The following FAT3 variants were observed in gnomAD, a reference collection of about 807,000 sequenced individuals.
FAT3 encodes protocadherin Fat 3.
FAT3 carries 95 observed loss-of-function variants against 310.2 expected under a neutral mutation model. That is an observed-to-expected ratio of 0.31 (90% CI 0.26 to 0.36). FAT3 has a LOEUF of 0.36. Among genes scored for constraint, FAT3 ranks in the 10% least tolerant of loss-of-function variants. FAT3 has a pLI of 1.00. For missense variants in FAT3, 5,408 were observed against 5,715.6 expected, an observed-to-expected ratio of 0.95 and a Z score of 1.74; for synonymous variants, 2,314 against 2,192.9, an observed-to-expected ratio of 1.06 and a Z score of -1.54.
chr11:92,879,341 A>G (rs929949737), intron 22 of FAT3, among the ~76,000 whole-genome samples: 1 of 152,210 alleles, frequency 6.6e-6, no homozygotes, highest in Admixed American at 6.5e-5. Flanking sequence ...ACAGCAGGAA[A>G]GCAGGGCCAG....
At chr11:92,643,016 T>G (rs1199273904) in intron 3 of FAT3, among the ~76,000 whole-genome samples, 1 of 152,210 alleles carries the variant, frequency 6.6e-6, no homozygotes, top group Non-Finnish European at 1.5e-5. Flanking sequence ...GAATACATTA[T>G]TTCAGCCTCA....
intron 3 of FAT3, among the ~76,000 whole-genome samples, chr11:92,527,801 T>G (rs1953920748): frequency 6.6e-6 from 1 of 152,236 alleles, no homozygotes; most frequent in Non-Finnish European, 1.5e-5. Flanking sequence ...AAGCTGGATG[T>G]GTAGCTAACC....
At chr11:92,301,931 C>T (rs1947008453) in intron 1 of FAT3, among the ~76,000 whole-genome samples, 1 of 151,984 alleles carries the variant, frequency 6.6e-6, no homozygotes, top group Admixed American at 6.6e-5. Context: ...CCTAACTCTT[C>T]AGAATGTCCC....
intron 3 of FAT3, among the ~76,000 whole-genome samples, chr11:92,618,328 A>G: frequency 6.6e-6 from 1 of 152,182 alleles, no homozygotes; most frequent in African/African-American, 2.4e-5. Flanking sequence ...GACCGTTGGA[A>G]AAGTGCAGTA....
chr11:92,779,322 G>T (rs1946678064), intron 7 of FAT3, among the ~76,000 whole-genome samples: 1 of 152,100 alleles, frequency 6.6e-6, no homozygotes, highest in Non-Finnish European at 1.5e-5. Flanking sequence ...ACCTTGGAAA[G>T]GAGTCAGGAT....
At chr11:92,383,271 C>T in intron 2 of FAT3, among the ~76,000 whole-genome samples, 1 of 152,150 alleles carries the variant, frequency 6.6e-6, no homozygotes, top group East Asian at 1.9e-4. Flanking sequence ...TATGTCCTTG[C>T]TATTGTGAAT....
chr11:92,769,909 T>C (rs745345020), intron 6 of FAT3, among the ~76,000 whole-genome samples: 5 of 152,206 alleles, frequency 3.3e-5, no homozygotes, highest in Non-Finnish European at 5.9e-5. Flanking sequence ...TATTTAGAGA[T>C]GAATGAAGTA....
chr11:92,321,591 GAAAAA>G (rs1180210443), intron 1 of FAT3, among the ~76,000 whole-genome samples: 6 of 151,154 alleles, frequency 4.0e-5, no homozygotes, highest in Admixed American at 3.3e-4. Context: ...GAGAAAAAAA[GAAAAA>G]AAAATTGGAA....
intron 3 of FAT3, among the ~76,000 whole-genome samples, chr11:92,554,915 G>A (rs1386689408): frequency 1.3e-5 from 2 of 152,130 alleles, no homozygotes; most frequent in Non-Finnish European, 2.9e-5. Flanking sequence ...CATAATCTGC[G>A]AGAGAAGATG....
At chr11:92,696,613 A>AT (rs559322599) in intron 3 of FAT3, among the ~76,000 whole-genome samples, 279 of 152,356 alleles carry the variant, frequency 1.8e-3, no homozygotes, top group Non-Finnish European at 2.6e-3. Context: ...GAAATGGAAC[A>AT]TAAATTTGAC....
At chr11:92,660,121 A>G (rs954252597) in intron 3 of FAT3, among the ~76,000 whole-genome samples, 7 of 152,118 alleles carry the variant, frequency 4.6e-5, no homozygotes, top group African/African-American at 1.4e-4. Flanking sequence ...CTAGTGAACT[A>G]GCAAGAGTTC....
At chr11:92,475,619 T>C (rs1029136462) in intron 2 of FAT3, among the ~76,000 whole-genome samples, 25 of 152,012 alleles carry the variant, frequency 1.6e-4, no homozygotes, top group African/African-American at 6.0e-4. Flanking sequence ...CTTCAGCAAT[T>C]ACTTGTTTAC....
intron 3 of FAT3, among the ~76,000 whole-genome samples, chr11:92,584,662 A>G (rs2135542950): frequency 6.6e-6 from 1 of 152,076 alleles, no homozygotes; most frequent in South Asian, 2.1e-4. Context: ...GCTACTGACA[A>G]GATGATGGAG....
chr11:92,503,873 T>G (rs889241902), intron 2 of FAT3, among the ~76,000 whole-genome samples: 1 of 152,152 alleles, frequency 6.6e-6, no homozygotes, highest in African/African-American at 2.4e-5. Context: ...TTCTCACATA[T>G]GTAAAGGGAT....
chr11:92,510,309 C>T (rs188046421), intron 2 of FAT3, among the ~76,000 whole-genome samples: 71 of 152,236 alleles, frequency 4.7e-4, no homozygotes, highest in African/African-American at 1.6e-3. Flanking sequence ...TTTCAACCTT[C>T]CTTTCTTTCT....
chr11:92,387,620 G>A (rs77237516), intron 2 of FAT3, among the ~76,000 whole-genome samples: 2,597 of 152,226 alleles, frequency 0.017, 87 homozygotes, highest in African/African-American at 0.059. Context: ...TGACTAAGAA[G>A]GAATTAATGA....
intron 3 of FAT3, among the ~76,000 whole-genome samples, chr11:92,575,421 A>G (rs958175234): frequency 1.3e-5 from 2 of 152,202 alleles, no homozygotes; most frequent in African/African-American, 4.8e-5. Flanking sequence ...AATGTATAAG[A>G]TGAATCAAAT....
At position 92,642,122 on chromosome 11, in the gene FAT3, T is replaced by C. The variant is rs144162597; in HGVS notation, c.3608-55262T>C. Reference sequence around the variant, plus strand: ...AAAAGGGGGGCTGTGGATCTTCCTTTGTGTTCTGCCTTTCAGAACCTGAGG... The same window carrying C: ...AAAAGGGGGGCTGTGGATCTTCCTTCGTGTTCTGCCTTTCAGAACCTGAGG... On this transcript the variant is annotated intron_variant, in intron 3 of 27. Coordinates refer to ENST00000525166, the MANE Select transcript of FAT3 (RefSeq NM_001367949.2). Among the ~76,000 whole-genome samples, 4 of 152,354 alleles carry C rather than the reference T, an allele frequency of 2.6e-5. No homozygotes were observed. In the East Asian group the frequency reaches 7.7e-4, roughly 29 times the overall value.
At chr11:92,528,896 TC>T (rs1348007635) in intron 3 of FAT3, among the ~76,000 whole-genome samples, 1 of 152,138 alleles carries the variant, frequency 6.6e-6, no homozygotes, top group Non-Finnish European at 1.5e-5. Context: ...ATCCCGTATT[TC>T]CCCCTAGAAA....
Sources: gnomAD v4.1 joint callset for allele counts (sites outside exome capture counted in the v4.1 genomes callset) on GRCh38, gnomAD v4.1.1 for gene constraint, MANE v1.5 for transcripts, NCBI Gene and HGNC (gene_info 2026-07-23, HGNC 2026-07-21) for gene names.